The following FSIP1 variants were observed in gnomAD, a reference collection of about 807,000 sequenced individuals.
FSIP1 encodes fibrous sheath interacting protein 1.
Under a neutral mutation model 60.9 loss-of-function variants are expected in FSIP1, and 65 were observed. The observed-to-expected ratio is 1.07, with a 90% confidence interval of 0.87 to 1.31. FSIP1 has a LOEUF of 1.31. Among genes scored for constraint, FSIP1 ranks in the 40% most tolerant of loss-of-function variants. The pLI is 0.00. For synonymous variants in FSIP1, 209 were observed against 221.2 expected (o/e 0.94, Z 0.49); for missense variants, 675 against 665.5 (o/e 1.01, Z -0.16).
intron 1 of FSIP1, among the ~76,000 whole-genome samples, chr15:39,782,095 T>C (rs1298241380): frequency 6.6e-6 from 1 of 152,212 alleles, no homozygotes; most frequent in Non-Finnish European, 1.5e-5. Context: ...GTTCGCCAAA[T>C]TGTACTCCAA....
chr15:39,627,091 A>C (rs1024955185), intron 10 of FSIP1, among the ~76,000 whole-genome samples: 1 of 152,212 alleles, frequency 6.6e-6, no homozygotes, highest in African/African-American at 2.4e-5. Flanking sequence ...ATTTCCTTAC[A>C]TGCCCAAGAA....
intron 1 of FSIP1, among the ~76,000 whole-genome samples, chr15:39,782,173 G>A (rs1315325060): frequency 3.3e-5 from 5 of 152,204 alleles, no homozygotes; most frequent in Non-Finnish European, 7.4e-5. Context: ...TGTCAAAGCT[G>A]TTTCATCTTC....
At chr15:39,762,984 A>T (rs1897555663) in intron 5 of FSIP1, among the ~76,000 whole-genome samples, 1 of 152,214 alleles carries the variant, frequency 6.6e-6, no homozygotes, top group Non-Finnish European at 1.5e-5. Flanking sequence ...ATTTGATCAT[A>T]TTTTTATTCT....
intron 3 of FSIP1, among the ~76,000 whole-genome samples, chr15:39,769,811 CA>C (rs1366146162): frequency 6.6e-6 from 1 of 152,116 alleles, no homozygotes; most frequent in African/African-American, 2.4e-5. Context: ...GATAAAGCAC[CA>C]GCAATTTTGC....
chr15:39,770,783 A>G (rs1460033882), intron 2 of FSIP1, among the ~76,000 whole-genome samples, 173 bp from the exon 3 acceptor site: 2 of 152,242 alleles, frequency 1.3e-5, no homozygotes, highest in Non-Finnish European at 2.9e-5. Context: ...TAATTTAACT[A>G]CACAATTCCA....
At chr15:39,685,449 C>A (rs1241812196) in intron 10 of FSIP1, among the ~76,000 whole-genome samples, 1 of 152,148 alleles carries the variant, frequency 6.6e-6, no homozygotes, top group East Asian at 1.9e-4. Flanking sequence ...AACAAACACA[C>A]ATAGAAAGCC....
intron 3 of FSIP1, among the ~76,000 whole-genome samples, chr15:39,766,918 C>A (rs753287229): frequency 2.0e-5 from 3 of 152,172 alleles, no homozygotes; most frequent in Non-Finnish European, 4.4e-5. Flanking sequence ...TAGCTCACTG[C>A]AACCTCGAAC....
intron 10 of FSIP1, among the ~76,000 whole-genome samples, chr15:39,639,918 T>A (rs371270703): frequency 6.6e-6 from 1 of 152,226 alleles, no homozygotes; most frequent in Non-Finnish European, 1.5e-5. Flanking sequence ...TATAGTATTT[T>A]ATTCCCACTA....
At chr15:39,768,907 T>G (rs1007913986) in intron 3 of FSIP1, among the ~76,000 whole-genome samples, 1 of 152,226 alleles carries the variant, frequency 6.6e-6, no homozygotes, top group Admixed American at 6.5e-5. Context: ...AGTGGTTAAC[T>G]AAATTATGCA....
intron 10 of FSIP1, among the ~76,000 whole-genome samples, chr15:39,642,856 C>T (rs1380362241): frequency 6.6e-6 from 1 of 152,184 alleles, no homozygotes; most frequent in Non-Finnish European, 1.5e-5. Flanking sequence ...TGGTTATTGT[C>T]ATTGTGTTCA....
At chr15:39,769,236 G>A (rs952276400) in intron 3 of FSIP1, among the ~76,000 whole-genome samples, 5 of 148,252 alleles carry the variant, frequency 3.4e-5, no homozygotes, top group South Asian at 4.2e-4. Context: ...CCGAGATCGC[G>A]CCACTGCACT....
intron 5 of FSIP1, among the ~76,000 whole-genome samples, chr15:39,749,502 T>C (rs112489475): frequency 0.016 from 2,424 of 151,802 alleles, 81 homozygotes; most frequent in African/African-American, 0.055. Flanking sequence ...CAGGTAAGGG[T>C]GGTTTAACTT....
chr15:39,616,036 C>G (rs1230535743), intron 11 of FSIP1, among the ~76,000 whole-genome samples: 1 of 152,112 alleles, frequency 6.6e-6, no homozygotes, highest in East Asian at 1.9e-4. Flanking sequence ...ATACATACAT[C>G]AAATCATCAT....
chr15:39,699,672 G>A (rs1015447467), intron 10 of FSIP1, among the ~76,000 whole-genome samples: 2 of 152,024 alleles, frequency 1.3e-5, no homozygotes, highest in Non-Finnish European at 2.9e-5. Flanking sequence ...CTGTCATCCA[G>A]AGTGGATGAA....
chr15:39,750,103 C>A (rs1386851920), intron 5 of FSIP1, among the ~76,000 whole-genome samples: 2 of 151,662 alleles, frequency 1.3e-5, no homozygotes, highest in African/African-American at 2.4e-5. Context: ...ATAAATTAAA[C>A]CAAGGAGGTA....
At chr15:39,725,398 C>T (rs16969723) in intron 9 of FSIP1, among the ~76,000 whole-genome samples, 18,095 of 152,174 alleles carry the variant, frequency 0.12, 1,319 homozygotes, top group African/African-American at 0.2. Flanking sequence ...TTCCTGTCCG[C>T]CAGAAATACA....
chr15:39,710,441 GAAAAAAAAAA>G (rs397945950), intron 10 of FSIP1, among the ~76,000 whole-genome samples: 1 of 74,240 alleles, frequency 1.3e-5, no homozygotes, highest in Non-Finnish European at 3.0e-5. Context: ...CTCTGTCTCA[GAAAAAAAAAA>G]AAAAAAAAAA....
intron 10 of FSIP1, among the ~76,000 whole-genome samples, chr15:39,707,373 G>A (rs549107832): frequency 2.8e-4 from 43 of 152,046 alleles, no homozygotes; most frequent in African/African-American, 8.4e-4. Context: ...CTGACCATAC[G>A]GAGAGGTCGC....
intron 1 of FSIP1, among the ~76,000 whole-genome samples, chr15:39,781,996 G>T (rs753791790): frequency 6.6e-6 from 1 of 152,158 alleles, no homozygotes; most frequent in Non-Finnish European, 1.5e-5. Context: ...TAATATATTT[G>T]TGCCAATCTT....
Sources: gnomAD v4.1 joint callset for allele counts (sites outside exome capture counted in the v4.1 genomes callset) on GRCh38, gnomAD v4.1.1 for gene constraint, MANE v1.5 for transcripts, NCBI Gene and HGNC (gene_info 2026-07-23, HGNC 2026-07-21) for gene names.